The following SREBF2 variants were observed in gnomAD, a reference collection of about 807,000 sequenced individuals.
The protein encoded by SREBF2 is sterol regulatory element-binding protein 2.
In SREBF2, 55 loss-of-function variants were observed where a neutral mutation model predicts 113.1. That is an observed-to-expected ratio of 0.49 (90% CI 0.39 to 0.61). SREBF2 has a LOEUF of 0.61. Ranked by LOEUF, SREBF2 falls within the 20% of genes least tolerant of loss-of-function variation. The probability of loss-of-function intolerance (pLI) is 0.00; values close to 1 mark genes in which losing one functional copy is unlikely to be tolerated. For missense variants in SREBF2, 1,349 were observed against 1,487.4 expected (o/e 0.91, Z 1.53); for synonymous variants, 593 against 605.7 (o/e 0.98, Z 0.31).
At chr22:41,850,134 C>T (rs1197093839) in intron 1 of SREBF2, among the ~76,000 whole-genome samples, 4 of 147,954 alleles carry the variant, frequency 2.7e-5, no homozygotes, top group Non-Finnish European at 6.0e-5. Flanking sequence ...AGTGAGACTC[C>T]GTCTCAAAAG....
At chr22:41,849,679 A>G (rs753217169) in intron 1 of SREBF2, among the ~76,000 whole-genome samples, 10 of 152,234 alleles carry the variant, frequency 6.6e-5, no homozygotes, top group Non-Finnish European at 1.3e-4. Context: ...CATCTTGTCA[A>G]GGCATATGGT....
chr22:41,840,458 AT>A (rs2076819049), intron 1 of SREBF2, among the ~76,000 whole-genome samples: 1 of 151,986 alleles, frequency 6.6e-6, no homozygotes, highest in Non-Finnish European at 1.5e-5. Flanking sequence ...CCAGTTCTTG[AT>A]TTTTACTCAC....
At chr22:41,904,476 C>T in intron 17 of SREBF2, 1 of 456,034 alleles carries the variant, frequency 2.2e-6, no homozygotes. Flanking sequence ...TGGTACCAGC[C>T]CAACTGTCCC....
intron 17 of SREBF2, among the ~76,000 whole-genome samples, chr22:41,903,856 G>T (rs1602353817): frequency 1.3e-5 from 2 of 152,188 alleles, no homozygotes. Flanking sequence ...GTGCTGCGGG[G>T]CCCACCCAGG....
At chr22:41,873,057 C>T (rs1306370825) in intron 4 of SREBF2, among the ~76,000 whole-genome samples, 1 of 151,728 alleles carries the variant, frequency 6.6e-6, no homozygotes, top group Non-Finnish European at 1.5e-5. Context: ...ATTAGCCAGG[C>T]ATGGTGGCGC....
intron 18 of SREBF2, 97 bp from the exon 19 acceptor site, chr22:41,905,343 G>C: frequency 8.4e-7 from 1 of 1,194,034 alleles, no homozygotes; most frequent in Admixed American, 2.0e-5. Flanking sequence ...CTCCCAGGAT[G>C]GATGTGAGCG....
chr22:41,869,844 G>A (rs1199395347), intron 3 of SREBF2, among the ~76,000 whole-genome samples: 3 of 150,114 alleles, frequency 2.0e-5, no homozygotes, highest in African/African-American at 7.4e-5. Context: ...TATCATCGTG[G>A]ACTATATCCT....
At chr22:41,843,845 A>T (rs1047103916) in intron 1 of SREBF2, among the ~76,000 whole-genome samples, 4 of 140,426 alleles carry the variant, frequency 2.8e-5, no homozygotes, top group African/African-American at 1.0e-4. Context: ...CCATTTCTGT[A>T]AAAAAAAAAA....
At chr22:41,850,586 T>C (rs926552103) in intron 1 of SREBF2, among the ~76,000 whole-genome samples, 10 of 151,944 alleles carry the variant, frequency 6.6e-5, no homozygotes, top group Admixed American at 2.6e-4. Flanking sequence ...ATCCAAGAAA[T>C]GTTTATTTTG....
At chr22:41,873,452 G>T (rs1230492492) in intron 4 of SREBF2, among the ~76,000 whole-genome samples, 2 of 152,144 alleles carry the variant, frequency 1.3e-5, no homozygotes, top group Non-Finnish European at 2.9e-5. Context: ...CCAACTCGTG[G>T]TTCACCGTGT....
At chr22:41,899,474 G>A in intron 15 of SREBF2, 1 of 995,116 alleles carries the variant, frequency 1.0e-6, no homozygotes, top group Non-Finnish European at 1.2e-6. Flanking sequence ...GGCCCCACGA[G>A]GTCCTATCCT....
chr22:41,837,585 A>G (rs1450586819), intron 1 of SREBF2, among the ~76,000 whole-genome samples: 1 of 148,230 alleles, frequency 6.7e-6, no homozygotes, highest in African/African-American at 2.5e-5. Context: ...AATGCTGGAC[A>G]CGGTGGCTCA....
In SREBF2 at chr22:41,833,137, A is replaced by G. The variant is rs1340390186; in HGVS notation, c.-134A>G. On this transcript the variant is annotated 5_prime_UTR_variant, in exon 1 of 19. An upstream start codon of the reference 5' UTR is lost. Coordinates refer to ENST00000361204, the MANE Select transcript of SREBF2 (RefSeq NM_004599.4). The surrounding 1 kb of genome is among the most constrained non-coding windows in gnomAD (Gnocchi z 4.1). ...TGCGGCGCCCGGGCGCAACGCAAAC[A>G]TGGCGGCGGGTGGCACCCGTCGGTG... The G allele has an allele frequency of 9.8e-6, 6 of 609,478 alleles. No homozygotes were observed. The highest frequency in any genetic ancestry group is 2.0e-5 in the African/African-American group (1 of 50,354). 37.8% of individuals were successfully genotyped at this position (609,478 alleles called of 1,614,324 possible).
chr22:41,884,813 A>G (rs1293720870), intron 10 of SREBF2, 29 bp from the exon 11 acceptor site: 6 of 1,614,012 alleles, frequency 3.7e-6, no homozygotes, highest in Non-Finnish European at 5.1e-6. Context: ...GGCTCCATCA[A>G]CAATAGTGTC....
Position 41,877,411 on chromosome 22 carries a change from A to G in SREBF2, c.1569A>G (p.Ser523=). Reference sequence around the variant, plus strand: ...CAGGCTCTGGCCGCAGTGTCCTGTCATTCGAGTCAGGTAGGTGGAGGCCCC... The same window carrying G: ...CAGGCTCTGGCCGCAGTGTCCTGTCGTTCGAGTCAGGTAGGTGGAGGCCCC... The part of the protein sequence containing the change: ...PHSGSGRSVL[S]FESGSGGWFD... Residue 523 remains serine, a synonymous_variant, in exon 8 of 19, where the codon TCA becomes TCG. Transcript: ENST00000361204. 6.2e-7 allele frequency: 1 copy of G among 1,614,178 alleles called. No individual in the cohort carries two copies. Among genetic ancestry groups the G allele is most frequent in the South Asian group, 1.1e-5 (1 of 91,086 alleles).
chr22:41,850,350 G>A (rs1488684116), intron 1 of SREBF2, among the ~76,000 whole-genome samples: 1 of 151,544 alleles, frequency 6.6e-6, no homozygotes, highest in Non-Finnish European at 1.5e-5. Flanking sequence ...TCAGGAGGGT[G>A]AGGCAGGAGA....
chr22:41,871,586 C>G (rs1041474554), intron 4 of SREBF2, among the ~76,000 whole-genome samples: 3 of 152,104 alleles, frequency 2.0e-5, no homozygotes, highest in African/African-American at 7.2e-5. Flanking sequence ...GAAATTATGC[C>G]TAGCAATTAA....
At chr22:41,889,534 T>G (rs1205441216) in intron 11 of SREBF2, among the ~76,000 whole-genome samples, 2 of 151,962 alleles carry the variant, frequency 1.3e-5, no homozygotes, top group African/African-American at 4.8e-5. Context: ...GAAATAATAT[T>G]TTTTGCTAGG....
chr22:41,898,724 C>G lies in SREBF2; in HGVS notation c.2681C>G (p.Ala894Gly). The part of the protein sequence containing the change: ...AISWLQGDDA[A>G]VRSHFTKVER... ...AGCTGGCTCCAGGGAGACGATGCAGCTGTGCGCTCTCATTTTACCAAAGTG... is the reference window on the plus strand; with the variant it reads ...AGCTGGCTCCAGGGAGACGATGCAGGTGTGCGCTCTCATTTTACCAAAGTG... Residue 894 changes from alanine to glycine, a missense_variant, in exon 15 of 19, where the codon GCT becomes GGT. This residue lies in a region of SREBF2 where 650 missense variants were observed against 644.1 expected (regional missense o/e 1.01). Transcript: ENST00000361204. 1 of 1,614,184 alleles carries G rather than the reference C, an allele frequency of 6.2e-7. No homozygotes were observed. Among genetic ancestry groups the G allele is most frequent in the Non-Finnish European group, 8.5e-7 (1 of 1,180,034 alleles).
Sources: gnomAD v4.1 joint callset for allele counts (sites outside exome capture counted in the v4.1 genomes callset) on GRCh38, gnomAD v4.1.1 for gene constraint, gnomAD v4.1.1 regional missense constraint, Gnocchi (gnomAD v3.1) non-coding constraint, MANE v1.5 for transcripts, NCBI Gene and HGNC (gene_info 2026-07-23, HGNC 2026-07-21) for gene names.